Variants in WIPF2 observed in about 807,000 individuals in gnomAD.
The protein encoded by WIPF2 is WAS/WASL-interacting protein family member 2.
Under a neutral mutation model 38.8 loss-of-function variants are expected in WIPF2, and 23 were observed. The ratio of observed to expected loss-of-function variants is 0.59; its 90% CI spans 0.43 to 0.84. The LOEUF is 0.84. WIPF2 is among the 40% of genes least tolerant of loss of function. The pLI is 0.00. For missense variants in WIPF2, 574 were observed against 580.5 expected, an observed-to-expected ratio of 0.99 and a Z score of 0.11; for synonymous variants, 210 against 223.2, an observed-to-expected ratio of 0.94 and a Z score of 0.53.
chr17:40,266,309 A>T lies in WIPF2; in HGVS notation c.970+1163A>T, dbSNP rs558485634. The stretch of plus-strand genomic sequence containing the variant: ...ATTAGAGGCAAAAGAGATGAAGAAT[A>T]CCCAGCAGAGGAAACAGAAAAGCTT... On this transcript the variant is annotated intron_variant, in intron 5 of 7. Transcript: ENST00000323571. Among the ~76,000 whole-genome samples, 4 of 151,986 alleles carry T rather than the reference A, an allele frequency of 2.6e-5. 1 individual carries two copies. In the South Asian group the frequency reaches 8.3e-4, roughly 32 times the overall value.
Position 40,273,885 on chromosome 17 carries a change from C to T in WIPF2, c.1066C>T (p.Arg356Ter), listed in dbSNP as rs1450115884. 6 of 1,575,672 alleles carry T rather than the reference C, an allele frequency of 3.8e-6. No individual in the cohort carries two copies. Among genetic ancestry groups the T allele is most frequent in the African/African-American group, 2.7e-5 (2 of 72,742 alleles). Residue 356 changes from arginine (R) to a stop codon, truncating the protein, a stop_gained, in exon 6 of 8, where the codon CGA (arginine) becomes TGA (stop). Coordinates refer to ENST00000323571, the MANE Select transcript of WIPF2 (RefSeq NM_133264.5). LOFTEE classifies it high-confidence loss of function. ...AATGCATGGGTCAGAACCCCCGAGC[C>T]GAGGAAAGCCCCCACCTCCACCCTC... ...YRMHGSEPPS[R>*]GKPPPPPSRT...
chr17:40,238,706 C>T (rs544738924), intron 1 of WIPF2, among the ~76,000 whole-genome samples: 8 of 152,020 alleles, frequency 5.3e-5, no homozygotes, highest in South Asian at 4.2e-4. Context: ...CTCCGCCTCC[C>T]GGGTTCAAGC....
intron 1 of WIPF2, among the ~76,000 whole-genome samples, chr17:40,255,829 T>C (rs1009691479): frequency 3.0e-4 from 46 of 151,240 alleles, no homozygotes; most frequent in Non-Finnish European, 4.6e-4. Context: ...GGTTTCACCA[T>C]GTTAGCCAGG....
chr17:40,224,221 C>CTTTTTT (rs2030377442), intron 1 of WIPF2, among the ~76,000 whole-genome samples: 1 of 136,008 alleles, frequency 7.4e-6, no homozygotes, highest in Non-Finnish European at 1.6e-5. Context: ...TTTTTTTTTT[C>CTTTTTT]TTTTCTTTTC....
chr17:40,278,388 A>G lies in WIPF2; in HGVS notation c.*163A>G. The G allele has an allele frequency of 1.3e-6, 1 of 747,036 alleles. No individual in the cohort carries two copies. Among genetic ancestry groups the G allele is most frequent in the Non-Finnish European group, 2.2e-6 (1 of 459,172 alleles). The allele number at this position is 747,036 out of a possible 1,614,324, so 46.3% of individuals were successfully genotyped here. Reference sequence around the variant, plus strand: ...CCTCCCAGCTCACCTCCATCTATGCATCTCATCTCTGGATTTGGTGATCAG... The same window carrying G: ...CCTCCCAGCTCACCTCCATCTATGCGTCTCATCTCTGGATTTGGTGATCAG... On this transcript the variant is annotated 3_prime_UTR_variant, in exon 8 of 8. Coordinates refer to ENST00000323571, the MANE Select transcript of WIPF2 (RefSeq NM_133264.5).
intron 1 of WIPF2, among the ~76,000 whole-genome samples, chr17:40,236,693 C>T (rs1390125680): frequency 6.6e-6 from 1 of 151,640 alleles, no homozygotes; most frequent in Non-Finnish European, 1.5e-5. Context: ...ACTGCAACCT[C>T]CACCTCCCTG....
At chr17:40,239,830 G>A (rs1031631010) in intron 1 of WIPF2, among the ~76,000 whole-genome samples, 2 of 151,106 alleles carry the variant, frequency 1.3e-5, no homozygotes, top group Non-Finnish European at 2.9e-5. Flanking sequence ...CCAAGTAGCT[G>A]GGATTACAAG....
chr17:40,276,308 A>C (rs2032397116), intron 6 of WIPF2, among the ~76,000 whole-genome samples: 2 of 151,854 alleles, frequency 1.3e-5, no homozygotes. Context: ...CAGGTGGATC[A>C]CCTGAGGTCA....
intron 1 of WIPF2, among the ~76,000 whole-genome samples, chr17:40,247,321 G>T (rs577321176): frequency 7.1e-6 from 1 of 141,684 alleles, no homozygotes; most frequent in Non-Finnish European, 1.5e-5. Flanking sequence ...GGGTTCAAGC[G>T]ATTCTCCTGC....
intron 1 of WIPF2, among the ~76,000 whole-genome samples, chr17:40,239,180 T>C (rs2031093214): frequency 6.6e-6 from 1 of 151,710 alleles, no homozygotes; most frequent in Non-Finnish European, 1.5e-5. Flanking sequence ...CACGCCATTC[T>C]CCTGCCTCAG....
chr17:40,241,559 C>T (rs560928243), intron 1 of WIPF2, among the ~76,000 whole-genome samples: 25 of 152,100 alleles, frequency 1.6e-4, no homozygotes, highest in African/African-American at 2.9e-4. Context: ...TTTTAGTCAG[C>T]GTCTCTAAAC....
chr17:40,242,660 C>A (rs1196453770), intron 1 of WIPF2, among the ~76,000 whole-genome samples: 1 of 152,156 alleles, frequency 6.6e-6, no homozygotes, highest in Non-Finnish European at 1.5e-5. Flanking sequence ...CCTCGGCCTT[C>A]CAGAGTGCTG....
chr17:40,220,066 G>A (rs775243238), intron 1 of WIPF2: 1 of 152,268 alleles, frequency 6.6e-6, no homozygotes, highest in Non-Finnish European at 1.5e-5. Flanking sequence ...GTTGGATTGA[G>A]AATGTTAAGA....
chr17:40,260,657 C>T lies in WIPF2; in HGVS notation c.186C>T (p.Pro62=), dbSNP rs1295492274. The T allele has an allele frequency of 1.2e-6, 2 of 1,613,664 alleles. No individual in the cohort carries two copies. The highest frequency in any genetic ancestry group is 4.5e-5 in the East Asian group (2 of 44,844). ...KVTNINDRSA[P]ILEKPKGSSG... is the part of the protein sequence containing the mutation. ...CCAACATTAATGATCGGAGTGCTCC[C>T]ATCCTCGAGAGTGAGTCCGAGCTTC... Residue 62 remains proline (P), a synonymous_variant, in exon 3 of 8, where the codon CCC becomes CCT. Coordinates refer to ENST00000323571, the MANE Select transcript of WIPF2 (RefSeq NM_133264.5).
intron 3 of WIPF2, among the ~76,000 whole-genome samples, chr17:40,261,773 A>G (rs1327831564): frequency 1.4e-5 from 2 of 141,356 alleles, no homozygotes; most frequent in East Asian, 4.1e-4. Flanking sequence ...TGCAAGCTCC[A>G]CCTTCTGGGT....
At chr17:40,234,586 C>G (rs1041780344) in intron 1 of WIPF2, among the ~76,000 whole-genome samples, 2 of 152,082 alleles carry the variant, frequency 1.3e-5, no homozygotes, top group African/African-American at 4.8e-5. Context: ...GATCACACCA[C>G]TGCACTCCAT....
At position 40,278,115 on chromosome 17, in the gene WIPF2, G is replaced by C. The variant is rs986173799; in HGVS notation, c.1283-70G>C. The C allele has an allele frequency of 1.5e-5, 23 of 1,525,364 alleles. No homozygotes were observed. In the Admixed American group the frequency reaches 1.7e-4, roughly 11 times the overall value. The allele number at this position is 1,525,364 out of a possible 1,614,324, so 94.5% of individuals were successfully genotyped here. On this transcript the variant is annotated intron_variant, in intron 7 of 7. Transcript: ENST00000323571. ...TTAAAGAGCCTGTCTCTCATTTTAG[G>C]AATGTGTGGGTTGTTCAGATTCTGG...
rs534828802 is a variant in WIPF2, at chr17:40,236,924, T to G, written c.-70+17432T>G. On this transcript the variant is annotated intron_variant, in intron 1 of 7. Transcript: ENST00000323571. ...AGTTTGATGCTATTTTGACTCTAGA[T>G]TCTTTGTATGGGATCTGTGTTTTTT... Among the ~76,000 whole-genome samples the G allele has an allele frequency of 5.9e-5, 9 of 152,184 alleles. No homozygotes were observed. In the East Asian group the frequency reaches 7.7e-4, roughly 13 times the overall value.
intron 6 of WIPF2, among the ~76,000 whole-genome samples, chr17:40,276,425 G>T (rs1401482055): frequency 6.9e-6 from 1 of 145,684 alleles, no homozygotes; most frequent in Non-Finnish European, 1.5e-5. Flanking sequence ...GGACGCTGGG[G>T]CAGGAGAATC....
Sources: allele counts gnomAD v4.1 joint callset (sites outside exome capture counted in the v4.1 genomes callset), GRCh38; gene constraint gnomAD v4.1.1; transcripts MANE v1.5; gene names NCBI Gene and HGNC (gene_info 2026-07-23, HGNC 2026-07-21).